The following LRRTM4 variants were observed in gnomAD, a reference collection of about 807,000 sequenced individuals.
LRRTM4 encodes leucine rich repeat transmembrane neuronal 4.
A neutral mutation model predicts 47.6 loss-of-function variants in LRRTM4; 25 were observed. The ratio of observed to expected loss-of-function variants is 0.53; its 90% CI spans 0.38 to 0.73. The LOEUF is 0.73. LRRTM4 is among the 30% of genes least tolerant of loss of function. LRRTM4 has a pLI of 0.00. For synonymous variants in LRRTM4, 311 were observed against 269.5 expected, an observed-to-expected ratio of 1.15 and a Z score of -1.51; for missense variants, 638 against 713.4, an observed-to-expected ratio of 0.89 and a Z score of 1.20.
chr2:77,418,362 T>C (rs1674729621), intron 3 of LRRTM4, among the ~76,000 whole-genome samples: 2 of 152,172 alleles, frequency 1.3e-5, no homozygotes, highest in African/African-American at 2.4e-5. Context: ...GACATTAAAC[T>C]GAGAAAAATA....
At chr2:77,131,763 T>C (rs968781153) in intron 3 of LRRTM4, among the ~76,000 whole-genome samples, 4 of 152,218 alleles carry the variant, frequency 2.6e-5, no homozygotes, top group African/African-American at 4.8e-5. Flanking sequence ...CCTGTGAATA[T>C]ACCTGACTAG....
chr2:77,195,489 T>C (rs1025977490), intron 3 of LRRTM4, among the ~76,000 whole-genome samples: 2 of 152,074 alleles, frequency 1.3e-5, no homozygotes, highest in Admixed American at 1.3e-4. Context: ...CAAAGAACTA[T>C]CTTTGAAACT....
At chr2:77,107,338 G>C (rs1294336717) in intron 3 of LRRTM4, among the ~76,000 whole-genome samples, 2 of 152,056 alleles carry the variant, frequency 1.3e-5, no homozygotes, top group Non-Finnish European at 2.9e-5. Flanking sequence ...ATCATGTATA[G>C]GTGTTAAAAA....
intron 3 of LRRTM4, among the ~76,000 whole-genome samples, chr2:77,084,474 C>G (rs1680642843): frequency 6.6e-6 from 1 of 152,198 alleles, no homozygotes. Context: ...TTCTTTCTCA[C>G]AGCCAGACAT....
chr2:76,905,787 G>A (rs1481525878), intron 3 of LRRTM4, among the ~76,000 whole-genome samples: 1 of 151,980 alleles, frequency 6.6e-6, no homozygotes, highest in Non-Finnish European at 1.5e-5. Flanking sequence ...GAGAAGGCAA[G>A]TTTAGAGAAA....
intron 3 of LRRTM4, among the ~76,000 whole-genome samples, chr2:76,925,338 G>T (rs568598475): frequency 6.6e-6 from 1 of 152,072 alleles, no homozygotes; most frequent in Non-Finnish European, 1.5e-5. Flanking sequence ...GTCTGTTCTG[G>T]CAACAACCTG....
chr2:77,256,200 A>G (rs982761828), intron 3 of LRRTM4, among the ~76,000 whole-genome samples: 2 of 152,124 alleles, frequency 1.3e-5, no homozygotes, highest in African/African-American at 4.8e-5. Flanking sequence ...TATTGAAAGC[A>G]CAAATTATCA....
At chr2:77,179,194 C>T (rs563312773) in intron 3 of LRRTM4, among the ~76,000 whole-genome samples, 47 of 152,090 alleles carry the variant, frequency 3.1e-4, no homozygotes, top group Non-Finnish European at 5.9e-5. Flanking sequence ...AGAAGCAAAA[C>T]TTAGATCTTT....
At chr2:76,831,820 A>T (rs1671360054) in intron 3 of LRRTM4, among the ~76,000 whole-genome samples, 1 of 152,038 alleles carries the variant, frequency 6.6e-6, no homozygotes, top group Admixed American at 6.6e-5. Context: ...TTTTAAAAAA[A>T]ATTGTATGTT....
chr2:77,136,630 G>T (rs1287261243), intron 3 of LRRTM4, among the ~76,000 whole-genome samples: 1 of 152,214 alleles, frequency 6.6e-6, no homozygotes, highest in Non-Finnish European at 1.5e-5. Flanking sequence ...GATAGAGAAT[G>T]ACTTTTATGA....
chr2:77,195,366 G>A (rs1673791498), intron 3 of LRRTM4, among the ~76,000 whole-genome samples: 1 of 151,878 alleles, frequency 6.6e-6, no homozygotes, highest in African/African-American at 2.4e-5. Flanking sequence ...GTGATTTCTG[G>A]AGGGATGATT....
chr2:77,396,704 G>C (rs768138585), intron 3 of LRRTM4, among the ~76,000 whole-genome samples: 4 of 151,858 alleles, frequency 2.6e-5, no homozygotes, highest in Admixed American at 6.6e-5. Flanking sequence ...TTTATTGGTG[G>C]AACTAGGCAA....
chr2:77,136,715 CT>C (rs552502974), intron 3 of LRRTM4, among the ~76,000 whole-genome samples: 1 of 151,812 alleles, frequency 6.6e-6, no homozygotes, highest in African/African-American at 2.4e-5. Context: ...GGCAAAGAAG[CT>C]AAAAACCTTG....
chr2:77,260,308 T>C (rs1019897723), intron 3 of LRRTM4, among the ~76,000 whole-genome samples: 4 of 151,852 alleles, frequency 2.6e-5, no homozygotes, highest in African/African-American at 9.7e-5. Context: ...TCCAGGAGCT[T>C]CCTGCATTAG....
At chr2:77,121,160 T>C (rs1341826996) in intron 3 of LRRTM4, among the ~76,000 whole-genome samples, 1 of 151,808 alleles carries the variant, frequency 6.6e-6, no homozygotes, top group African/African-American at 2.4e-5. Context: ...GAAAGGCAAA[T>C]TAGGAATGCA....
At chr2:77,116,072 G>A (rs1671382023) in intron 3 of LRRTM4, among the ~76,000 whole-genome samples, 1 of 152,016 alleles carries the variant, frequency 6.6e-6, no homozygotes, top group Non-Finnish European at 1.5e-5. Flanking sequence ...GGAGCAAAAT[G>A]GGTTTAGGCA....
At chr2:76,801,806 T>TC (rs2103775149) in intron 3 of LRRTM4, among the ~76,000 whole-genome samples, 1 of 152,182 alleles carries the variant, frequency 6.6e-6, no homozygotes, top group African/African-American at 2.4e-5. Context: ...TAGGAAGCAA[T>TC]GATGTGTCAA....
At chr2:76,783,708 A>G (rs991584224) in intron 3 of LRRTM4, among the ~76,000 whole-genome samples, 13 of 152,216 alleles carry the variant, frequency 8.5e-5, no homozygotes, top group African/African-American at 2.7e-4. Context: ...GAATTTCACA[A>G]TACCATTTGG....
intron 3 of LRRTM4, among the ~76,000 whole-genome samples, chr2:77,505,198 T>C (rs1408833897): frequency 6.6e-6 from 1 of 150,918 alleles, no homozygotes; most frequent in Non-Finnish European, 1.5e-5. Flanking sequence ...ACAAATAACA[T>C]TTAATATTAT....
Sources: gnomAD v4.1 joint callset for allele counts (sites outside exome capture counted in the v4.1 genomes callset) on GRCh38, gnomAD v4.1.1 for gene constraint, MANE v1.5 for transcripts, NCBI Gene and HGNC (gene_info 2026-07-23, HGNC 2026-07-21) for gene names.